The following TEKT5 variants were observed in gnomAD, a reference collection of about 807,000 sequenced individuals.
The protein encoded by TEKT5 is tektin-5.
TEKT5 carries 52 observed loss-of-function variants against 48.7 expected under a neutral mutation model. That is an observed-to-expected ratio of 1.07 (90% CI 0.86 to 1.35). TEKT5 has a LOEUF of 1.35. Among genes scored for constraint, TEKT5 ranks in the 40% most tolerant of loss-of-function variants. The pLI is 0.00. For missense variants in TEKT5, 831 were observed against 641.6 expected (o/e 1.30, Z -3.19); for synonymous variants, 318 against 267.6 (o/e 1.19, Z -1.84).
intron 5 of TEKT5, among the ~76,000 whole-genome samples, chr16:10,675,187 C>T (rs1466311487): frequency 6.6e-6 from 1 of 152,164 alleles, no homozygotes; most frequent in Non-Finnish European, 1.5e-5. Context: ...ACTTGACTAT[C>T]ATCCAAGTTC....
At chr16:10,646,043 T>C (rs575905150) in intron 5 of TEKT5, among the ~76,000 whole-genome samples, 4 of 152,050 alleles carry the variant, frequency 2.6e-5, no homozygotes, top group East Asian at 3.9e-4. Context: ...TGAGGAAGGA[T>C]TGCTTGAGCC....
intron 2 of TEKT5, 135 bp downstream of exon 2, chr16:10,689,805 CCA>C: frequency 2.6e-6 from 2 of 777,540 alleles, no homozygotes; most frequent in Non-Finnish European, 4.1e-6. Flanking sequence ...AGACCTCCAC[CCA>C]TGCTTCCTGA....
chr16:10,653,688 A>AG (rs1898208903), intron 5 of TEKT5, among the ~76,000 whole-genome samples: 1 of 152,052 alleles, frequency 6.6e-6, no homozygotes, highest in Non-Finnish European at 1.5e-5. Context: ...CAAGGTGGGG[A>AG]GATCACCTGA....
intron 5 of TEKT5, among the ~76,000 whole-genome samples, chr16:10,652,765 AACACACAC>A (rs59542661): frequency 2.6e-4 from 9 of 33,976 alleles, no homozygotes; most frequent in African/African-American, 5.7e-4. Flanking sequence ...TACACAGGCA[AACACACAC>A]ACACACACAC....
rs768488017 is a variant in TEKT5, at chr16:10,675,954, C to T, written c.1086+5G>A. ...AAGGCAGGGGTCCTGGGAGGATCTGCTCACCTTCGCCAGCTGCGTCTGCAG... is the reference window on the plus strand; with the variant it reads ...AAGGCAGGGGTCCTGGGAGGATCTGTTCACCTTCGCCAGCTGCGTCTGCAG... On this transcript the variant is annotated splice_donor_5th_base_variant and intron_variant, in intron 5 of 6. Transcript: ENST00000283025. 5.6e-6 allele frequency: 9 copies of T among 1,613,976 alleles called. No individual in the cohort carries two copies. The highest frequency in any genetic ancestry group is 3.3e-5 in the South Asian group (3 of 91,080).
At chr16:10,667,991 C>T (rs1475342525) in intron 5 of TEKT5, among the ~76,000 whole-genome samples, 1 of 152,036 alleles carries the variant, frequency 6.6e-6, no homozygotes, top group Non-Finnish European at 1.5e-5. Flanking sequence ...CATTCTCCTG[C>T]CTCAGCCTCC....
At chr16:10,628,924 G>GAAAAAAAAA (rs1897795593) in intron 6 of TEKT5, among the ~76,000 whole-genome samples, 2 of 137,488 alleles carry the variant, frequency 1.5e-5, no homozygotes, top group African/African-American at 6.6e-5. Flanking sequence ...AAAAAAAAAG[G>GAAAAAAAAA]AATGAAATAC....
At chr16:10,689,136 C>T (rs1281057923) in intron 3 of TEKT5, 117 bp downstream of exon 3, 3 of 718,914 alleles carry the variant, frequency 4.2e-6, no homozygotes, top group Non-Finnish European at 6.8e-6. Context: ...ACCAGCATAC[C>T]ACTGACCAAA....
intron 5 of TEKT5, among the ~76,000 whole-genome samples, chr16:10,646,974 G>T (rs946284172): frequency 6.6e-6 from 1 of 152,180 alleles, no homozygotes; most frequent in Non-Finnish European, 1.5e-5. Context: ...CAGTGGGTGG[G>T]ATGTACAACC....
chr16:10,694,566 C>T lies in TEKT5; in HGVS notation c.308G>A (p.Arg103His), dbSNP rs201724934. Residue 103 changes from arginine (R) to histidine (H), a missense_variant, in exon 1 of 7, where the codon CGT (arginine) becomes CAT (histidine). Physicochemically the swap from Arg to His is conservative, Grantham distance 29 (BLOSUM62 0). Transcript: ENST00000283025. The stretch of plus-strand genomic sequence containing the variant: ...CCACAGCCGGGAGGCCTCGGCCCCA[C>T]GCACCTGCAGCTGGTTGGACTGGTC... ...DWDQSNQLQV[R>H]GAEASRLWAS... is the part of the protein sequence containing the mutation. The T allele has an allele frequency of 2.2e-5, 36 of 1,602,492 alleles. No individual in the cohort carries two copies. The East Asian group carries it at 5.1e-4, about 23-fold the overall frequency.
At chr16:10,664,487 C>T (rs1277242667) in intron 5 of TEKT5, among the ~76,000 whole-genome samples, 2 of 152,228 alleles carry the variant, frequency 1.3e-5, no homozygotes, top group Non-Finnish European at 2.9e-5. Flanking sequence ...TTAAGAACCA[C>T]TGGTCTGAAG....
intron 4 of TEKT5, among the ~76,000 whole-genome samples, chr16:10,677,943 G>A (rs1245636294): frequency 6.6e-6 from 1 of 152,206 alleles, no homozygotes; most frequent in Non-Finnish European, 1.5e-5. Context: ...CATGGACACA[G>A]GCTACATTAG....
chr16:10,638,498 G>C (rs6498097), intron 5 of TEKT5, among the ~76,000 whole-genome samples: 8 of 152,070 alleles, frequency 5.3e-5, no homozygotes, highest in Admixed American at 4.6e-4. Flanking sequence ...CTAGAAATGA[G>C]GCAGTGATGT....
chr16:10,658,907 G>A (rs999582930), intron 5 of TEKT5, among the ~76,000 whole-genome samples: 6 of 151,988 alleles, frequency 3.9e-5, no homozygotes, highest in African/African-American at 1.2e-4. Context: ...TAGTAGAGAT[G>A]GGGTTTCACC....
chr16:10,671,336 G>T (rs1898545669), intron 5 of TEKT5, among the ~76,000 whole-genome samples: 1 of 152,184 alleles, frequency 6.6e-6, no homozygotes, highest in Admixed American at 6.5e-5. Flanking sequence ...CACCGTATGA[G>T]ATGCCTCATT....
At chr16:10,681,687 A>G (rs1046068061) in intron 4 of TEKT5, among the ~76,000 whole-genome samples, 1 of 149,022 alleles carries the variant, frequency 6.7e-6, no homozygotes, top group African/African-American at 2.5e-5. Flanking sequence ...TGAAATTTGG[A>G]TCTTGAATGG....
At position 10,661,640 on chromosome 16, in the gene TEKT5, A is replaced by G. The variant is rs192725686; in HGVS notation, c.1086+14319T>C. On this transcript the variant is annotated intron_variant, in intron 5 of 6. Coordinates refer to ENST00000283025, the MANE Select transcript of TEKT5 (RefSeq NM_144674.2). ...AGAAACGAGGTCACCAAAGTATCCA[A>G]AAGATGAAGTAGGAAGGACTTGAGA... is the stretch of plus-strand genomic sequence containing the variant. Among the ~76,000 whole-genome samples, 18 of 152,318 alleles carry G rather than the reference A, an allele frequency of 1.2e-4. No homozygotes were observed. The East Asian group carries it at 3.5e-3, about 29-fold the overall frequency.
intron 1 of TEKT5, chr16:10,690,669 A>G (rs745795648): frequency 2.1e-5 from 21 of 985,424 alleles, no homozygotes; most frequent in Non-Finnish European, 2.4e-5. Flanking sequence ...TGGTCAGGAC[A>G]ACCCTGCCAC....
chr16:10,636,356 C>G (rs940439177), intron 5 of TEKT5, among the ~76,000 whole-genome samples: 1 of 144,066 alleles, frequency 6.9e-6, no homozygotes, highest in African/African-American at 2.5e-5. Context: ...GCCTGGGGGA[C>G]AAGAGCGAGA....
Sources: allele counts gnomAD v4.1 joint callset (sites outside exome capture counted in the v4.1 genomes callset), GRCh38; gene constraint gnomAD v4.1.1; transcripts MANE v1.5; gene names NCBI Gene and HGNC (gene_info 2026-07-23, HGNC 2026-07-21).